Variants in MYO1B observed in about 807,000 individuals in gnomAD.
MYO1B encodes the protein unconventional myosin-Ib.
A neutral mutation model predicts 159.7 loss-of-function variants in MYO1B; 72 were observed. The ratio of observed to expected loss-of-function variants is 0.45; its 90% CI spans 0.37 to 0.55. The LOEUF is 0.55. Among genes scored for constraint, MYO1B ranks in the 20% least tolerant of loss-of-function variants. MYO1B has a pLI of 0.00. For synonymous variants in MYO1B, 468 were observed against 473.8 expected, an observed-to-expected ratio of 0.99 and a Z score of 0.16; for missense variants, 1,062 against 1,364.8, an observed-to-expected ratio of 0.78 and a Z score of 3.50.
chr2:191,363,792 C>T lies in MYO1B; in HGVS notation c.830C>T (p.Ala277Val). 6.2e-7 allele frequency: 1 copy of T among 1,613,706 alleles called. No individual in the cohort carries two copies. The highest frequency in any genetic ancestry group is 8.5e-7 in the Non-Finnish European group (1 of 1,179,914). ...EAESVLAVVA[A>V]VLKLGNIEFK... ...GAGTCTGTCTTGGCGGTGGTGGCAG[C>T]AGTGTTGAAACTGGGGAACATTGAG... Residue 277 changes from alanine (A) to valine (V), a missense_variant, in exon 10 of 31, where the codon GCA becomes GTA. Around this residue, in one of 5 missense-constraint regions of MYO1B, gnomAD observed 415 missense variants for 544.0 expected, o/e 0.76. Coordinates refer to ENST00000392318, the MANE Select transcript of MYO1B (RefSeq NM_001130158.3).
At chr2:191,397,722 G>A (rs1298665397) in intron 21 of MYO1B, among the ~76,000 whole-genome samples, 1 of 145,586 alleles carries the variant, frequency 6.9e-6, no homozygotes, top group Non-Finnish European at 1.5e-5. Context: ...CCTCCCAGAC[G>A]GGGTCGTGGC....
intron 2 of MYO1B, among the ~76,000 whole-genome samples, chr2:191,289,903 A>G (rs1688597649): frequency 6.6e-6 from 1 of 152,226 alleles, no homozygotes; most frequent in Non-Finnish European, 1.5e-5. Flanking sequence ...ACTTGGAAAT[A>G]TTCTGACTGT....
At chr2:191,297,659 T>G (rs1689067111) in intron 3 of MYO1B, among the ~76,000 whole-genome samples, 1 of 152,168 alleles carries the variant, frequency 6.6e-6, no homozygotes, top group Admixed American at 6.5e-5. Flanking sequence ...GGAAAAGATT[T>G]ATTGGTCATT....
Position 191,382,184 on chromosome 2 carries a change from ATTG to A in MYO1B, c.1290+621_1290+623del, listed in dbSNP as rs564523822. On this transcript the variant is annotated intron_variant, in intron 14 of 30. Transcript: ENST00000392318. ...TAGTTATTTCAAAAAATAAAAAGGA[ATTG>A]TTATGTTTATATTTTTATTTCCTTT... 2.6e-3 allele frequency among the ~76,000 whole-genome samples: 394 copies of A among 152,172 alleles called. 2 individuals carry two copies. Among genetic ancestry groups the A allele is most frequent in the Non-Finnish European group, 3.8e-3 (260 of 67,972 alleles).
At chr2:191,324,986 C>T (rs1416323415) in intron 3 of MYO1B, among the ~76,000 whole-genome samples, 2 of 152,066 alleles carry the variant, frequency 1.3e-5, no homozygotes, top group African/African-American at 4.8e-5. Context: ...CAACGTAGTG[C>T]CTCTCCTTAA....
intron 1 of MYO1B, among the ~76,000 whole-genome samples, chr2:191,262,248 C>T (rs1195346133): frequency 6.6e-6 from 1 of 152,132 alleles, no homozygotes; most frequent in African/African-American, 2.4e-5. Flanking sequence ...CAGACACAAT[C>T]CCACAGGAGC....
intron 4 of MYO1B, among the ~76,000 whole-genome samples, chr2:191,330,452 C>T (rs1052357827): frequency 2.6e-5 from 4 of 152,198 alleles, no homozygotes; most frequent in Admixed American, 1.3e-4. Flanking sequence ...ACATTTTACT[C>T]AAGAGTTTTC....
chr2:191,294,866 C>A (rs374145603), intron 2 of MYO1B, among the ~76,000 whole-genome samples: 2 of 151,714 alleles, frequency 1.3e-5, no homozygotes, highest in South Asian at 4.2e-4. Flanking sequence ...ATCATTGTGA[C>A]CCCTGTAAAA....
At chr2:191,390,619 C>A in intron 18 of MYO1B, 127 bp downstream of exon 18, 1 of 1,100,072 alleles carries the variant, frequency 9.1e-7, no homozygotes, top group Non-Finnish European at 1.3e-6. Context: ...TGTTTTGGAC[C>A]TTCTTCCATT....
intron 3 of MYO1B, among the ~76,000 whole-genome samples, chr2:191,326,968 T>G (rs955897966): frequency 7.2e-5 from 11 of 152,208 alleles, no homozygotes; most frequent in African/African-American, 2.4e-4. Context: ...TATTATATAT[T>G]GGAAAACTTC....
intron 1 of MYO1B, among the ~76,000 whole-genome samples, chr2:191,267,740 T>A (rs1189771983): frequency 6.6e-6 from 1 of 152,186 alleles, no homozygotes; most frequent in Non-Finnish European, 1.5e-5. Context: ...TTGAGTAAAT[T>A]GTCCTATAGA....
chr2:191,424,991 G>A lies in MYO1B; in HGVS notation c.*1031G>A, dbSNP rs1698141059. 1.3e-5 allele frequency: 2 copies of A among 152,474 alleles called. No homozygotes were observed. Among genetic ancestry groups the A allele is most frequent in the Admixed American group, 6.5e-5 (1 of 15,272 alleles). 9.4% of individuals were successfully genotyped at this position (152,474 alleles called of 1,614,324 possible). On this transcript the variant is annotated 3_prime_UTR_variant, in exon 31 of 31. Coordinates refer to ENST00000392318, the MANE Select transcript of MYO1B (RefSeq NM_001130158.3). ...GTACAGGGTGCCTATTTTAGTCATG[G>A]ATCAAAATTTGTGTAACTTGCAGGG...
At chr2:191,402,586 G>A (rs1482414857) in intron 23 of MYO1B, 46 bp from the exon 24 acceptor site, 2 of 1,514,698 alleles carry the variant, frequency 1.3e-6, no homozygotes, top group Non-Finnish European at 1.8e-6. Context: ...CATTTGTGCT[G>A]TCTGCATTGG....
At chr2:191,330,688 A>T (rs868750060) in intron 4 of MYO1B, among the ~76,000 whole-genome samples, 1 of 152,196 alleles carries the variant, frequency 6.6e-6, no homozygotes, top group Non-Finnish European at 1.5e-5. Flanking sequence ...CAACCTTAGA[A>T]ACGTTTAAAG....
At chr2:191,370,399 A>G in intron 13 of MYO1B, 107 bp downstream of exon 13, 2 of 763,346 alleles carry the variant, frequency 2.6e-6, no homozygotes, top group Non-Finnish European at 4.4e-6. Context: ...TGAATCTACA[A>G]ATAATCCTTG....
chr2:191,383,435 T>G, intron 15 of MYO1B, 93 bp downstream of exon 15: 1 of 218,190 alleles, frequency 4.6e-6, no homozygotes, highest in Non-Finnish European at 8.7e-6. Flanking sequence ...AGCATTAGTA[T>G]TTTCACTGTT....
At chr2:191,350,051 A>G (rs1559190634) in intron 6 of MYO1B, 111 bp from the exon 7 acceptor site, 2 of 799,816 alleles carry the variant, frequency 2.5e-6, no homozygotes, top group East Asian at 5.4e-5. Flanking sequence ...TTTCTTAGTT[A>G]CATTTAAACA....
At chr2:191,270,824 C>T (rs1687411530) in intron 1 of MYO1B, among the ~76,000 whole-genome samples, 1 of 152,158 alleles carries the variant, frequency 6.6e-6, no homozygotes, top group Non-Finnish European at 1.5e-5. Context: ...TGTTGGGAGC[C>T]AAGTAGCTCA....
chr2:191,407,815 G>T, intron 24 of MYO1B: 1 of 207,244 alleles, frequency 4.8e-6, no homozygotes. Context: ...TATTTTAATT[G>T]GGGATGAGTT....
Sources: gnomAD v4.1 joint callset for allele counts (sites outside exome capture counted in the v4.1 genomes callset) on GRCh38, gnomAD v4.1.1 for gene constraint, gnomAD v4.1.1 regional missense constraint, MANE v1.5 for transcripts, NCBI Gene and HGNC (gene_info 2026-07-23, HGNC 2026-07-21) for gene names.